FAF1: variants seen among roughly 807,000 people sequenced by gnomAD.
FAF1 encodes the protein Fas associated factor 1.
In FAF1, 25 loss-of-function variants were observed where a neutral mutation model predicts 92.5. That is an observed-to-expected ratio of 0.27 (90% CI 0.20 to 0.38). FAF1 has a LOEUF of 0.38. FAF1 is among the 10% of genes least tolerant of loss of function. FAF1 has a pLI of 1.00. For synonymous variants in FAF1, 234 were observed against 273.2 expected (o/e 0.86, Z 1.42); for missense variants, 636 against 793.3 (o/e 0.80, Z 2.38).
intron 13 of FAF1, among the ~76,000 whole-genome samples, chr1:50,540,947 TATG>T (rs770629827): frequency 5.3e-5 from 8 of 152,218 alleles, no homozygotes; most frequent in Non-Finnish European, 1.2e-4. Context: ...TCTTATGCCT[TATG>T]ATAATATTTT....
chr1:50,618,608 T>A (rs1653046989), intron 8 of FAF1, among the ~76,000 whole-genome samples: 1 of 152,020 alleles, frequency 6.6e-6, no homozygotes, highest in Non-Finnish European at 1.5e-5. Flanking sequence ...TGAATCTGGG[T>A]GCTCCAATGC....
chr1:50,644,345 T>C (rs1654481336), intron 8 of FAF1, among the ~76,000 whole-genome samples: 1 of 152,248 alleles, frequency 6.6e-6, no homozygotes, highest in Non-Finnish European at 1.5e-5. Context: ...GAAGCAGTTT[T>C]AGTTTTGTGT....
In FAF1 at chr1:50,623,410, T is replaced by C. The variant is rs537079591; in HGVS notation, c.745-27194A>G. On this transcript the variant is annotated intron_variant, in intron 8 of 18. Transcript: ENST00000396153. ...TGGCGAAACCCTGTCTCTACTAAAA[T>C]ACAAAGAAATTAGCTGGGTGTGGCG... Among the ~76,000 whole-genome samples the C allele has an allele frequency of 8.1e-5, 12 of 147,514 alleles. 1 individual carries two copies. In the South Asian group the frequency reaches 2.2e-3, roughly 27 times the overall value.
intron 15 of FAF1, among the ~76,000 whole-genome samples, chr1:50,514,622 CCTAA>C (rs938295899): frequency 1.3e-5 from 2 of 152,140 alleles, no homozygotes; most frequent in Non-Finnish European, 2.9e-5. Flanking sequence ...ACTTCCAAGT[CCTAA>C]CTGAGATTGT....
At chr1:50,813,596 G>A (rs1382308777) in intron 2 of FAF1, among the ~76,000 whole-genome samples, 2 of 152,048 alleles carry the variant, frequency 1.3e-5, no homozygotes, top group Non-Finnish European at 2.9e-5. Flanking sequence ...GAGTAGCTCG[G>A]ACTACAGGCA....
intron 1 of FAF1, among the ~76,000 whole-genome samples, chr1:50,912,787 C>T (rs1458892222): frequency 6.6e-6 from 1 of 152,146 alleles, no homozygotes; most frequent in African/African-American, 2.4e-5. Context: ...TTGAAAATAT[C>T]AATCAATTGC....
chr1:50,849,806 A>G (rs1041035142), intron 2 of FAF1, among the ~76,000 whole-genome samples: 5 of 152,176 alleles, frequency 3.3e-5, no homozygotes, highest in African/African-American at 9.7e-5. Context: ...AAATATCTTC[A>G]AAGACATCTA....
At chr1:50,868,363 G>A (rs1409736692) in intron 1 of FAF1, among the ~76,000 whole-genome samples, 1 of 152,070 alleles carries the variant, frequency 6.6e-6, no homozygotes, top group Non-Finnish European at 1.5e-5. Context: ...ATGTAAAAAA[G>A]AAAGTACTAG....
intron 6 of FAF1, among the ~76,000 whole-genome samples, chr1:50,726,121 T>C (rs1658639713): frequency 6.6e-6 from 1 of 151,966 alleles, no homozygotes. Flanking sequence ...CCAGGCACAG[T>C]GGTGGGCACC....
chr1:50,787,423 G>T (rs1359538292), intron 4 of FAF1, among the ~76,000 whole-genome samples: 3 of 152,184 alleles, frequency 2.0e-5, no homozygotes, highest in Non-Finnish European at 2.9e-5. Context: ...AAGGGAGTCT[G>T]TCCCTTTTGC....
At chr1:50,624,137 T>C (rs1468543497) in intron 8 of FAF1, among the ~76,000 whole-genome samples, 1 of 152,054 alleles carries the variant, frequency 6.6e-6, no homozygotes, top group Admixed American at 6.6e-5. Context: ...CTAGTCCTAG[T>C]CCAGACACAA....
chr1:50,666,330 A>C (rs1655630569), intron 7 of FAF1, among the ~76,000 whole-genome samples: 6 of 152,100 alleles, frequency 3.9e-5, no homozygotes, highest in Admixed American at 3.9e-4. Flanking sequence ...CTCCCAACTC[A>C]GCCTTCTGAG....
intron 6 of FAF1, among the ~76,000 whole-genome samples, chr1:50,725,997 G>A (rs946101218): frequency 6.6e-6 from 1 of 152,162 alleles, no homozygotes; most frequent in Non-Finnish European, 1.5e-5. Context: ...CCTCATGCCT[G>A]TAACCCCAGC....
chr1:50,600,276 T>C (rs1652035294), intron 8 of FAF1, among the ~76,000 whole-genome samples: 1 of 152,210 alleles, frequency 6.6e-6, no homozygotes, highest in African/African-American at 2.4e-5. Context: ...TTTTATATCA[T>C]GTAATGAAAT....
rs1275047819 is a variant in FAF1, at chr1:50,724,259, CCATA to C, written c.551+14600_551+14603del. On this transcript the variant is annotated intron_variant, in intron 6 of 18. Coordinates refer to ENST00000396153, the MANE Select transcript of FAF1 (RefSeq NM_007051.3). ...TTTCAAAAAAAAAAAAAAAAAACAA[CCATA>C]TATATATACATATACACACACACAC... Among the ~76,000 whole-genome samples the C allele has an allele frequency of 3.1e-3, 412 of 133,900 alleles. 2 individuals are homozygous for C. The highest frequency in any genetic ancestry group is 0.012 in the African/African-American group (400 of 33,656). The allele number at this position is 133,900 out of a possible 152,430, so 87.8% of individuals were successfully genotyped here. A position where few individuals can be genotyped will look rare whatever the true frequency, so the allele number is the denominator to read the frequency against.
chr1:50,664,473 A>G (rs890433964), intron 7 of FAF1, among the ~76,000 whole-genome samples: 2 of 151,640 alleles, frequency 1.3e-5, no homozygotes, highest in Non-Finnish European at 2.9e-5. Context: ...ACCACTAGAG[A>G]ACTATGTTTG....
chr1:50,950,005 A>AT (rs1450569629), intron 1 of FAF1, among the ~76,000 whole-genome samples: 2 of 152,160 alleles, frequency 1.3e-5, no homozygotes, highest in African/African-American at 2.4e-5. Context: ...TTAAAAAAAA[A>AT]AAATTTATTT....
At chr1:50,507,420 C>T (rs760741373) in intron 15 of FAF1, among the ~76,000 whole-genome samples, 7 of 152,122 alleles carry the variant, frequency 4.6e-5, no homozygotes, top group Non-Finnish European at 7.4e-5. Context: ...AACATTTTTA[C>T]GGGGACTAGT....
At chr1:50,678,955 C>T (rs1376683686) in intron 7 of FAF1, among the ~76,000 whole-genome samples, 1 of 151,620 alleles carries the variant, frequency 6.6e-6, no homozygotes, top group Non-Finnish European at 1.5e-5. Flanking sequence ...GGCGTGGTGG[C>T]AGGCGCCTGT....
Sources: allele counts gnomAD v4.1 joint callset (sites outside exome capture counted in the v4.1 genomes callset), GRCh38; gene constraint gnomAD v4.1.1; transcripts MANE v1.5; gene names NCBI Gene and HGNC (gene_info 2026-07-23, HGNC 2026-07-21).